The following CILP variants were observed in gnomAD, a reference collection of about 807,000 sequenced individuals.
The protein encoded by CILP is cartilage intermediate layer protein.
In CILP, 75 loss-of-function variants were observed where a neutral mutation model predicts 82.5. The ratio of observed to expected loss-of-function variants is 0.91; its 90% CI spans 0.75 to 1.10. The LOEUF is 1.10. Among genes scored for constraint, CILP ranks in the 50% least tolerant of loss-of-function variants. CILP has a pLI of 0.00. For missense variants in CILP, 1,479 were observed against 1,530.8 expected, an observed-to-expected ratio of 0.97 and a Z score of 0.56; for synonymous variants, 530 against 580.3, an observed-to-expected ratio of 0.91 and a Z score of 1.25.
intron 8 of CILP, 89 bp downstream of exon 8, chr15:65,201,783 C>A: frequency 1.4e-6 from 1 of 734,840 alleles, no homozygotes; most frequent in Non-Finnish European, 2.0e-6. Context: ...AAAGAAAAGC[C>A]TTAGCTATTA....
intron 6 of CILP, 94 bp from the exon 7 acceptor site, chr15:65,203,564 T>G: frequency 1.1e-6 from 1 of 870,160 alleles, no homozygotes; most frequent in Non-Finnish European, 1.9e-6. Context: ...TTTGATGTTG[T>G]GAAAATTATA....
At chr15:65,204,185 G>A in intron 6 of CILP, 83 bp downstream of exon 6, 1 of 1,330,764 alleles carries the variant, frequency 7.5e-7, no homozygotes. Flanking sequence ...CAAGTTAGCT[G>A]GGAAGCCAGC....
At chr15:65,200,131 A>G (rs536929865) in intron 8 of CILP, among the ~76,000 whole-genome samples, 2 of 152,374 alleles carry the variant, frequency 1.3e-5, no homozygotes, top group East Asian at 3.9e-4. Flanking sequence ...GTGCCAAAGC[A>G]TTTAGATATG....
rs1238102038 is a variant in CILP, at chr15:65,194,857, A to ACCCC, written c.*1870_*1873dup. The stretch of plus-strand genomic sequence containing the variant: ...GTCAGCCCACCTTCCCCAGCAACCC[A>ACCCC]CCCCCCCCCGACCCTCCCCCTCCCC... On this transcript the variant is annotated 3_prime_UTR_variant, in exon 9 of 9. Transcript: ENST00000261883. 1.4e-5 allele frequency: 1 copy of ACCCC among 71,042 alleles called. No individual in the cohort carries two copies. Among genetic ancestry groups the ACCCC allele is most frequent in the Non-Finnish European group, 2.9e-5 (1 of 35,068 alleles). The allele number at this position is 71,042 out of a possible 1,614,324, so 4.4% of individuals were successfully genotyped here. A position where few individuals can be genotyped will look rare whatever the true frequency, so the allele number is the denominator to read the frequency against.
chr15:65,199,107 G>GGGAAATGGTGT lies in CILP; in HGVS notation c.1187-19_1187-9dup. 1.3e-6 allele frequency: 2 copies of GGGAAATGGTGT among 1,561,448 alleles called. 1 individual carries two copies. Among genetic ancestry groups the GGGAAATGGTGT allele is most frequent in the Non-Finnish European group, 1.7e-6 (2 of 1,159,380 alleles). On this transcript the variant is annotated splice_polypyrimidine_tract_variant and intron_variant, in intron 8 of 8. Coordinates refer to ENST00000261883, the MANE Select transcript of CILP (RefSeq NM_003613.4). ...AAGGAGTCTCATCAGATGCTGTGTA[G>GGGAAATGGTGT]GGAAATGGTGTGGAAATTAAGATGT... is the stretch of plus-strand genomic sequence containing the variant.
At chr15:65,207,183 T>C in intron 3 of CILP, 132 bp from the exon 4 acceptor site, 1 of 978,972 alleles carries the variant, frequency 1.0e-6, no homozygotes. Context: ...CAATCCCCTC[T>C]TACACCTGCC....
At chr15:65,211,268 A>G (rs1296991642) in intron 1 of CILP, among the ~76,000 whole-genome samples, 160 bp downstream of exon 1, 1 of 151,950 alleles carries the variant, frequency 6.6e-6, no homozygotes, top group Non-Finnish European at 1.5e-5. Flanking sequence ...CAGATTCCCA[A>G]AGCAGAAAGG....
At position 65,196,900 on chromosome 15, in the gene CILP, G is replaced by T; in HGVS notation, c.3386C>A (p.Ala1129Asp). The T allele has an allele frequency of 6.2e-7, 1 of 1,613,518 alleles. No individual in the cohort carries two copies. Among genetic ancestry groups the T allele is most frequent in the Non-Finnish European group, 8.5e-7 (1 of 1,179,712 alleles). ...TGGGGTGCTTTGGAGGTACTGGAAG[G>T]CACTCTGGCGGCCTACTTGCCTCTC... Reference protein sequence around the residue: ...CVERQVGRQSAFQYLQSTPAQ... With the variant: ...CVERQVGRQSDFQYLQSTPAQ... Residue 1129 changes from alanine to aspartate, a missense_variant, in exon 9 of 9, where the codon GCC becomes GAC. Physicochemically the swap from Ala to Asp is moderately radical, Grantham distance 126. Transcript: ENST00000261883.
At chr15:65,207,600 C>T (rs567188588) in intron 3 of CILP, 72 bp downstream of exon 3, 118 of 1,362,524 alleles carry the variant, frequency 8.7e-5, no homozygotes, top group Middle Eastern at 7.8e-4. Context: ...CATGCCCTGG[C>T]TTCAGAGATC....
At chr15:65,202,834 C>CTT (rs10634666) in intron 7 of CILP, among the ~76,000 whole-genome samples, 54,272 of 117,358 alleles carry the variant, frequency 0.46, 13,326 homozygotes, top group Non-Finnish European at 0.51. Flanking sequence ...GGGACCACAG[C>CTT]TTTTTTTTTT....
chr15:65,205,034 AC>A (rs1252702584), intron 5 of CILP, among the ~76,000 whole-genome samples: 1 of 151,946 alleles, frequency 6.6e-6, no homozygotes, highest in Non-Finnish European at 1.5e-5. Context: ...AACAACAACA[AC>A]AACAACTTAG....
intron 4 of CILP, 22 bp downstream of exon 4, chr15:65,206,760 G>C (rs1244184748): frequency 6.3e-7 from 1 of 1,594,874 alleles, no homozygotes. Flanking sequence ...TAGCGGGTGG[G>C]GGTGGGGGCG....
At position 65,196,893 on chromosome 15, in the gene CILP, C is replaced by T. The variant is rs2088369953; in HGVS notation, c.3393G>A (p.Gln1131=). ...ACTGGGCTGGGGTGCTTTGGAGGTA[C>T]TGGAAGGCACTCTGGCGGCCTACTT... ...ERQVGRQSAF[Q]YLQSTPAQSP... is the part of the protein sequence containing the mutation. Residue 1131 remains glutamine, a synonymous_variant, in exon 9 of 9, where the codon CAG becomes CAA. Transcript: ENST00000261883. 1 of 1,613,492 alleles carries T rather than the reference C, an allele frequency of 6.2e-7. No individual in the cohort carries two copies. Among genetic ancestry groups the T allele is most frequent in the Non-Finnish European group, 8.5e-7 (1 of 1,179,800 alleles).
rs1299983253 is a variant in CILP, at chr15:65,196,502, T to G, written c.*229A>C. ...CTGCAGAGTTTTACCAGTGGCCAAT[T>G]TCTTGTGTTTCATTTAAAGAACAGT... is the stretch of plus-strand genomic sequence containing the variant. On this transcript the variant is annotated 3_prime_UTR_variant, in exon 9 of 9. Coordinates refer to ENST00000261883, the MANE Select transcript of CILP (RefSeq NM_003613.4). 4 of 430,802 alleles carry G rather than the reference T, an allele frequency of 9.3e-6. No homozygotes were observed. The highest frequency in any genetic ancestry group is 1.6e-5 in the Non-Finnish European group (4 of 244,972). 26.7% of individuals were successfully genotyped at this position (430,802 alleles called of 1,614,324 possible).
At position 65,198,691 on chromosome 15, in the gene CILP, T is replaced by C; in HGVS notation, c.1595A>G (p.Gln532Arg). ...TGTGAGCACCAGCCTCTCAGTGTCCTGGGGGACATGGAGGGTGAAAGTGCC... is the reference window on the plus strand; with the variant it reads ...TGTGAGCACCAGCCTCTCAGTGTCCCGGGGGACATGGAGGGTGAAAGTGCC... ...YKGTFTLHVPQDTERLVLTFV... is the reference protein window; with the variant it reads ...YKGTFTLHVPRDTERLVLTFV... The change falls in exon 9 of 9, where the codon CAG becomes CGG. Residue 532 changes from glutamine to arginine, a missense_variant. Physicochemically the swap from Gln to Arg is conservative, Grantham distance 43 (BLOSUM62 1). Transcript: ENST00000261883. The C allele has an allele frequency of 6.2e-7, 1 of 1,614,242 alleles. No individual in the cohort carries two copies. Among genetic ancestry groups the C allele is most frequent in the South Asian group, 1.1e-5 (1 of 91,084 alleles).
intron 6 of CILP, among the ~76,000 whole-genome samples, 155 bp downstream of exon 6, chr15:65,204,113 G>C (rs1168195531): frequency 6.6e-6 from 1 of 152,198 alleles, no homozygotes; most frequent in Non-Finnish European, 1.5e-5. Context: ...GAGCAGAGAA[G>C]AAATGGAGGG....
In CILP at chr15:65,194,792, A is replaced by G. The variant is rs1000104363; in HGVS notation, c.*1939T>C. 1.3e-5 allele frequency: 2 copies of G among 151,998 alleles called. No individual in the cohort carries two copies. The highest frequency in any genetic ancestry group is 2.9e-5 in the Non-Finnish European group (2 of 68,016). The allele number at this position is 151,998 out of a possible 1,614,324, so 9.4% of individuals were successfully genotyped here. A position where few individuals can be genotyped will look rare whatever the true frequency, so the allele number is the denominator to read the frequency against. On this transcript the variant is annotated 3_prime_UTR_variant, in exon 9 of 9. Coordinates refer to ENST00000261883, the MANE Select transcript of CILP (RefSeq NM_003613.4). ...TGGAGTCCATTTATTCAGGCCCTCA[A>G]TTGAGAACAGCAAGGAAAGTGCCCT...
rs148449804 is a variant in CILP, at chr15:65,196,740, C to A, written c.3546G>T (p.Leu1182=). Residue 1182 remains leucine (L), a synonymous_variant, in exon 9 of 9, where the codon CTG becomes CTT. Transcript: ENST00000261883. ...TGAAGTACCACAAAACTTAGTTGATCAGGGGCTGTTGAGCAACTCTAGGAA... is the reference window on the plus strand; with the variant it reads ...TGAAGTACCACAAAACTTAGTTGATAAGGGGCTGTTGAGCAACTCTAGGAA... ...LRFPRVAQQP[L]IN The A allele has an allele frequency of 1.3e-6, 2 of 1,533,854 alleles. No individual in the cohort carries two copies. Among genetic ancestry groups the A allele is most frequent in the Non-Finnish European group, 1.8e-6 (2 of 1,137,098 alleles).
At chr15:65,200,723 TTGGAATCACA>T (rs1467674716) in intron 8 of CILP, among the ~76,000 whole-genome samples, 1 of 152,180 alleles carries the variant, frequency 6.6e-6, no homozygotes, top group Non-Finnish European at 1.5e-5. Flanking sequence ...TGGTTGCAAA[TTGGAATCACA>T]TGGGGAGGTT....
Sources: allele counts gnomAD v4.1 joint callset (sites outside exome capture counted in the v4.1 genomes callset), GRCh38; gene constraint gnomAD v4.1.1; transcripts MANE v1.5; gene names NCBI Gene and HGNC (gene_info 2026-07-23, HGNC 2026-07-21).